Variants in PHLPP1 observed in about 807,000 individuals in gnomAD.
PHLPP1 encodes the protein PH domain and leucine rich repeat protein phosphatase 1, also known as PH domain leucine-rich repeat-containing protein phosphatase 1.
PHLPP1 carries 42 observed loss-of-function variants against 117.2 expected under a neutral mutation model. The ratio of observed to expected loss-of-function variants is 0.36; its 90% CI spans 0.28 to 0.46. The LOEUF (loss-of-function observed/expected upper bound fraction) is 0.46, where lower values mean the gene tolerates loss of function less well. Ranked by LOEUF, PHLPP1 falls within the 20% of genes least tolerant of loss-of-function variation. The pLI, the probability that PHLPP1 is intolerant of heterozygous loss-of-function variation, is 1.00. For missense variants in PHLPP1, 2,084 were observed against 2,241.9 expected, an observed-to-expected ratio of 0.93 and a Z score of 1.42; for synonymous variants, 1,042 against 970.7, an observed-to-expected ratio of 1.07 and a Z score of -1.37.
intron 3 of PHLPP1, among the ~76,000 whole-genome samples, chr18:62,854,602 T>C (rs1357242002): frequency 6.6e-6 from 1 of 152,198 alleles, no homozygotes; most frequent in African/African-American, 2.4e-5. Context: ...TGATGGAGAT[T>C]AGAGGAGCCT....
At chr18:62,898,813 A>T (rs559959047) in intron 6 of PHLPP1, among the ~76,000 whole-genome samples, 12 of 151,792 alleles carry the variant, frequency 7.9e-5, no homozygotes, top group African/African-American at 2.2e-4. Flanking sequence ...TATTATTATT[A>T]TTTTTTGAGA....
chr18:62,871,546 A>G (rs1033502490), intron 4 of PHLPP1, among the ~76,000 whole-genome samples: 1 of 151,196 alleles, frequency 6.6e-6, no homozygotes, highest in Non-Finnish European at 1.5e-5. Flanking sequence ...CAGTCTGGTC[A>G]CCAACTCCTG....
intron 1 of PHLPP1, among the ~76,000 whole-genome samples, chr18:62,773,720 T>C (rs766910762): frequency 1.3e-5 from 2 of 152,226 alleles, no homozygotes; most frequent in Non-Finnish European, 2.9e-5. Flanking sequence ...GTGAATTTGG[T>C]AGAAAATGAC....
intron 1 of PHLPP1, among the ~76,000 whole-genome samples, chr18:62,795,195 T>C (rs1320590175): frequency 6.6e-6 from 1 of 152,040 alleles, no homozygotes; most frequent in African/African-American, 2.4e-5. Flanking sequence ...ATGTAAAAAC[T>C]GGCCGGGCGC....
intron 1 of PHLPP1, among the ~76,000 whole-genome samples, chr18:62,729,006 C>T (rs964206029): frequency 2.6e-5 from 4 of 152,006 alleles, no homozygotes; most frequent in East Asian, 1.9e-4. Flanking sequence ...TGTGATCCTG[C>T]GACCAGTGTT....
At chr18:62,918,205 CAAA>C (rs11317555) in intron 9 of PHLPP1, among the ~76,000 whole-genome samples, 6 of 80,600 alleles carry the variant, frequency 7.4e-5, no homozygotes, top group Admixed American at 1.5e-4. Flanking sequence ...GACTCTGTCT[CAAA>C]AAAAAAAAAA....
chr18:62,875,879 C>A (rs1916037545), intron 4 of PHLPP1, among the ~76,000 whole-genome samples: 1 of 151,800 alleles, frequency 6.6e-6, no homozygotes, highest in African/African-American at 2.4e-5. Flanking sequence ...ATTACAGGTG[C>A]CCGCCACCAC....
At chr18:62,872,986 CAAAA>C (rs60920082) in intron 4 of PHLPP1, among the ~76,000 whole-genome samples, 9 of 54,812 alleles carry the variant, frequency 1.6e-4, no homozygotes, top group African/African-American at 4.0e-4. Flanking sequence ...AACTCTGCCT[CAAAA>C]AAAAAAAAAA....
intron 10 of PHLPP1, among the ~76,000 whole-genome samples, chr18:62,932,565 A>G (rs528267174): frequency 1.3e-5 from 2 of 152,356 alleles, no homozygotes; most frequent in East Asian, 3.9e-4. Flanking sequence ...AAAATCCAGT[A>G]TCCCAACATG....
intron 12 of PHLPP1, among the ~76,000 whole-genome samples, chr18:62,951,970 T>A (rs1910473973): frequency 1.3e-5 from 2 of 151,742 alleles, no homozygotes; most frequent in Admixed American, 6.6e-5. Context: ...GCCCACCACC[T>A]CACCCAGCTA....
chr18:62,752,919 T>G (rs1402275516), intron 1 of PHLPP1, among the ~76,000 whole-genome samples: 1 of 152,178 alleles, frequency 6.6e-6, no homozygotes, highest in African/African-American at 2.4e-5. Flanking sequence ...TGTGAATAAC[T>G]GGATGAAAAC....
intron 14 of PHLPP1, among the ~76,000 whole-genome samples, chr18:62,966,833 T>G (rs1352153358): frequency 6.6e-6 from 1 of 152,228 alleles, no homozygotes; most frequent in Non-Finnish European, 1.5e-5. Context: ...ATAGACCAGT[T>G]CCTTCACCTA....
At chr18:62,923,813 G>T (rs981954661) in intron 10 of PHLPP1, among the ~76,000 whole-genome samples, 6 of 152,118 alleles carry the variant, frequency 3.9e-5, no homozygotes, top group African/African-American at 1.4e-4. Context: ...GTTGAAGTAG[G>T]CCAACCCGGA....
intron 1 of PHLPP1, among the ~76,000 whole-genome samples, chr18:62,750,333 A>G (rs1166418418): frequency 6.6e-6 from 1 of 152,082 alleles, no homozygotes; most frequent in Non-Finnish European, 1.5e-5. Context: ...CACCTAGACA[A>G]GTCTAGTAAT....
At chr18:62,876,023 G>A (rs1488546252) in intron 4 of PHLPP1, among the ~76,000 whole-genome samples, 1 of 152,102 alleles carries the variant, frequency 6.6e-6, no homozygotes, top group Non-Finnish European at 1.5e-5. Flanking sequence ...GTGAGCCACT[G>A]TGCCCGGCCT....
At chr18:62,891,095 G>A (rs1916395855) in intron 4 of PHLPP1, among the ~76,000 whole-genome samples, 1 of 152,130 alleles carries the variant, frequency 6.6e-6, no homozygotes, top group Admixed American at 6.5e-5. Context: ...TTCAGTGTAA[G>A]TGTGCCCCAT....
chr18:62,860,670 C>A, intron 4 of PHLPP1, 69 bp downstream of exon 4: 1 of 1,242,362 alleles, frequency 8.0e-7, no homozygotes, highest in East Asian at 2.5e-5. Context: ...CTTGTTATCT[C>A]TTGAATATTC....
chr18:62,835,419 G>A (rs1914865678), intron 2 of PHLPP1, among the ~76,000 whole-genome samples: 1 of 151,968 alleles, frequency 6.6e-6, no homozygotes, highest in African/African-American at 2.4e-5. Context: ...GACCAGGCTG[G>A]TCTTCTGACC....
chr18:62,978,206 C>G lies in PHLPP1; in HGVS notation c.3985-56C>G. ...TCGAGGGACCCGCAGGGAACCTGCA[C>G]AGTTGCCGCAGGTGCTCTGTATTAA... On this transcript the variant is annotated intron_variant, in intron 16 of 16. Coordinates refer to ENST00000262719, the MANE Select transcript of PHLPP1 (RefSeq NM_194449.4). The surrounding 1 kb of genome is among the most constrained non-coding windows in gnomAD (Gnocchi z 7.0). 1 of 1,038,482 alleles carries G rather than the reference C, an allele frequency of 9.6e-7. No individual in the cohort carries two copies. Among genetic ancestry groups the G allele is most frequent in the Non-Finnish European group, 1.4e-6 (1 of 696,212 alleles). 64.3% of individuals were successfully genotyped at this position (1,038,482 alleles called of 1,614,324 possible). A position where few individuals can be genotyped will look rare whatever the true frequency, so the allele number is the denominator to read the frequency against.
Sources: allele counts gnomAD v4.1 joint callset (sites outside exome capture counted in the v4.1 genomes callset), GRCh38; gene constraint gnomAD v4.1.1; non-coding constraint Gnocchi (gnomAD v3.1); transcripts MANE v1.5; gene names NCBI Gene and HGNC (gene_info 2026-07-23, HGNC 2026-07-21).